STK31: variants seen among roughly 807,000 people sequenced by gnomAD.
STK31 encodes the protein serine/threonine-protein kinase 31.
A neutral mutation model predicts 129.7 loss-of-function variants in STK31; 89 were observed. That is an observed-to-expected ratio of 0.69 (90% confidence interval 0.58 to 0.82). STK31 has a LOEUF of 0.82. Among genes scored for constraint, STK31 ranks in the 40% least tolerant of loss-of-function variants. The pLI, the probability that STK31 is intolerant of heterozygous loss-of-function variation, is 0.00. For missense variants in STK31, 1,187 were observed against 1,176.4 expected, an observed-to-expected ratio of 1.01 and a Z score of -0.13; for synonymous variants, 448 against 395.3, an observed-to-expected ratio of 1.13 and a Z score of -1.58.
At position 23,823,282 on chromosome 7, in the gene STK31, C is replaced by T. The variant is rs561835380; in HGVS notation, c.2829+8070C>T. On this transcript the variant is annotated intron_variant, in intron 23 of 23. Coordinates refer to ENST00000355870, the MANE Select transcript of STK31 (RefSeq NM_031414.5). ...TGTTGTTTCCTGACTTTTTAATGAT[C>T]ACCATTCTAACTGGTGTGAGATGGT... is the stretch of plus-strand genomic sequence containing the variant. Among the ~76,000 whole-genome samples the T allele has an allele frequency of 5.8e-4, 89 of 152,166 alleles. No individual in the cohort carries two copies. In the East Asian group the frequency reaches 0.012, roughly 21 times the overall value.
chr7:23,733,803 C>A (rs1417634605), intron 6 of STK31, among the ~76,000 whole-genome samples: 1 of 151,210 alleles, frequency 6.6e-6, no homozygotes, highest in Non-Finnish European at 1.5e-5. Context: ...AGCCAGACTC[C>A]ATTCAAAAAA....
At chr7:23,794,297 C>G (rs754536292) in intron 22 of STK31, among the ~76,000 whole-genome samples, 7 of 152,158 alleles carry the variant, frequency 4.6e-5, no homozygotes, top group Non-Finnish European at 1.0e-4. Flanking sequence ...GGGCATTTTC[C>G]CTTTTGCTTG....
chr7:23,710,105 T>C, upstream of STK31: 1 of 1,043,726 alleles, frequency 9.6e-7, no homozygotes, highest in Non-Finnish European at 1.4e-6. Context: ...GCAGCCAGCG[T>C]CAGGCGGCTC....
chr7:23,790,973 T>A, intron 22 of STK31, 27 bp downstream of exon 22: 1 of 1,478,848 alleles, frequency 6.8e-7, no homozygotes, highest in South Asian at 1.4e-5. Context: ...TTGAAATAGA[T>A]CATATATATA....
At chr7:23,822,229 A>G (rs1793826127) in intron 23 of STK31, among the ~76,000 whole-genome samples, 1 of 152,132 alleles carries the variant, frequency 6.6e-6, no homozygotes, top group Non-Finnish European at 1.5e-5. Context: ...TTTGGGTAGT[A>G]TGGGCATTTT....
At chr7:23,789,996 C>T (rs1791519124) in intron 21 of STK31, among the ~76,000 whole-genome samples, 1 of 152,102 alleles carries the variant, frequency 6.6e-6, no homozygotes, top group Non-Finnish European at 1.5e-5. Flanking sequence ...CCTTATAGTG[C>T]ATACAACTCA....
At chr7:23,798,282 C>G (rs1194043855) in intron 22 of STK31, among the ~76,000 whole-genome samples, 4 of 151,936 alleles carry the variant, frequency 2.6e-5, no homozygotes, top group Non-Finnish European at 4.4e-5. Flanking sequence ...CCAAAACGTG[C>G]CAGAGACACA....
At chr7:23,820,639 T>G (rs1007549621) in intron 23 of STK31, among the ~76,000 whole-genome samples, 3 of 152,178 alleles carry the variant, frequency 2.0e-5, no homozygotes, top group African/African-American at 7.2e-5. Context: ...AACCTGGTTG[T>G]TTGTACCCAT....
intron 6 of STK31, among the ~76,000 whole-genome samples, chr7:23,734,417 T>C (rs983505836): frequency 2.0e-5 from 3 of 152,224 alleles, no homozygotes; most frequent in Non-Finnish European, 2.9e-5. Context: ...TTCAGGAAAA[T>C]AACCTAGAGA....
intron 11 of STK31, among the ~76,000 whole-genome samples, chr7:23,766,664 A>G (rs1355348657): frequency 6.6e-6 from 1 of 152,138 alleles, no homozygotes; most frequent in Non-Finnish European, 1.5e-5. Context: ...GCATCAGAAC[A>G]TGTTTATGTT....
chr7:23,799,406 G>C (rs1792223262), intron 22 of STK31, among the ~76,000 whole-genome samples: 2 of 151,932 alleles, frequency 1.3e-5, no homozygotes, highest in Admixed American at 1.3e-4. Context: ...TAGACCAATG[G>C]AACAAAACAG....
intron 8 of STK31, among the ~76,000 whole-genome samples, chr7:23,746,125 G>A (rs2128087957): frequency 6.6e-6 from 1 of 152,294 alleles, no homozygotes; most frequent in African/African-American, 2.4e-5. Context: ...ACTTGGGGCT[G>A]GGCACACAAA....
At chr7:23,715,452 CA>C (rs5882910) in intron 3 of STK31, among the ~76,000 whole-genome samples, 79,518 of 128,344 alleles carry the variant, frequency 0.62, 22,471 homozygotes, top group East Asian at 0.75. Context: ...CTTGTCGCTA[CA>C]AAAAAAAAAA....
chr7:23,823,915 T>G (rs940907099), intron 23 of STK31, among the ~76,000 whole-genome samples: 3 of 152,058 alleles, frequency 2.0e-5, no homozygotes, highest in African/African-American at 7.2e-5. Context: ...TGTAGGTGTG[T>G]GGTATTATTT....
At chr7:23,811,299 G>T (rs1793117410) in intron 22 of STK31, 7 of 414,802 alleles carry the variant, frequency 1.7e-5, no homozygotes, top group South Asian at 1.5e-4. Context: ...TGCTTGATTT[G>T]TTCTGCAGCT....
chr7:23,822,947 T>C (rs1240067789), intron 23 of STK31, among the ~76,000 whole-genome samples: 4 of 152,202 alleles, frequency 2.6e-5, no homozygotes, highest in African/African-American at 9.7e-5. Context: ...TATGGCTGCA[T>C]AGTATTCCAT....
At chr7:23,727,400 T>C in intron 5 of STK31, 85 bp downstream of exon 5, 1 of 1,138,100 alleles carries the variant, frequency 8.8e-7, no homozygotes, top group Non-Finnish European at 1.3e-6. Context: ...AGCCCTTCAT[T>C]GCTTATTCGT....
rs2128080175 is a variant in STK31 at position 23,735,900 on chromosome 7, A to G, written c.842+4A>G. 6.4e-7 allele frequency: 1 copy of G among 1,560,330 alleles called. No individual in the cohort carries two copies. The highest frequency in any genetic ancestry group is 2.3e-5 in the East Asian group (1 of 44,320). On this transcript the variant is annotated splice_donor_region_variant and intron_variant, in intron 7 of 23. Transcript: ENST00000355870. The stretch of plus-strand genomic sequence containing the variant: ...GCAATCTTATAACATTTCCAAAGTA[A>G]GAATTTAGTCTTCACTAATTTCTAA...
At chr7:23,716,797 C>T (rs1786349930) in intron 3 of STK31, among the ~76,000 whole-genome samples, 4 of 123,380 alleles carry the variant, frequency 3.2e-5, no homozygotes, top group African/African-American at 9.3e-5. Flanking sequence ...TTTTTGAGCA[C>T]TTTTTTTTTT....
Sources: gnomAD v4.1 joint callset for allele counts (sites outside exome capture counted in the v4.1 genomes callset) on GRCh38, gnomAD v4.1.1 for gene constraint, MANE v1.5 for transcripts, NCBI Gene and HGNC (gene_info 2026-07-23, HGNC 2026-07-21) for gene names.